Variants in RP1 observed in about 807,000 individuals in gnomAD.
RP1 encodes oxygen-regulated protein 1.
Under a neutral mutation model 14.8 loss-of-function variants are expected in RP1, and 16 were observed. The observed-to-expected ratio is 1.08, with a 90% CI of 0.73 to 1.65. RP1 has a LOEUF of 1.65. RP1 is among the 40% of genes most tolerant of loss of function. The pLI is 0.00. For synonymous variants in RP1, 876 were observed against 883.6 expected, an observed-to-expected ratio of 0.99 and a Z score of 0.15; for missense variants, 2,631 against 2,535.0, an observed-to-expected ratio of 1.04 and a Z score of -0.81.
intron 6 of RP1, among the ~76,000 whole-genome samples, chr8:54,660,744 C>G (rs1407681577): frequency 6.6e-6 from 1 of 151,852 alleles, no homozygotes; most frequent in Non-Finnish European, 1.5e-5. Context: ...TGCTGATGCC[C>G]TATGGGTACT....
At chr8:54,602,409 G>A (rs190638764) in intron 1 of RP1, among the ~76,000 whole-genome samples, 1,617 of 152,266 alleles carry the variant, frequency 0.011, 27 homozygotes, top group African/African-American at 0.034. Context: ...GTGTATATGT[G>A]CCACATTTTC....
chr8:54,658,550 CAA>C (rs755052184), intron 6 of RP1, among the ~76,000 whole-genome samples: 7 of 81,802 alleles, frequency 8.6e-5, no homozygotes, highest in Non-Finnish European at 4.3e-5. Flanking sequence ...GACTCCGTCT[CAA>C]AAAAAAAAAA....
chr8:54,628,111 T>G lies in RP1; in HGVS notation c.4229T>G (p.Leu1410Arg), dbSNP rs776511626. The change falls in exon 4 of 4, where the codon CTT (leucine) becomes CGT (arginine). Residue 1410 changes from leucine to arginine, a missense_variant. Physicochemically the swap from Leu to Arg is moderately radical, Grantham distance 102. Coordinates refer to ENST00000220676, the MANE Select transcript of RP1 (RefSeq NM_006269.2). Reference protein sequence around the residue: ...GLCLSEKEAELDKKHSSLDDF... With the variant: ...GLCLSEKEAERDKKHSSLDDF... Reference sequence around the variant, plus strand: ...TGCCTAAGTGAAAAAGAAGCAGAACTTGATAAGAAACATAGTTCTCTAGAT... The same window carrying G: ...TGCCTAAGTGAAAAAGAAGCAGAACGTGATAAGAAACATAGTTCTCTAGAT... 5.0e-6 allele frequency: 8 copies of G among 1,613,972 alleles called. No individual in the cohort carries two copies. In the Admixed American group the frequency reaches 1.3e-4, roughly 27 times the overall value.
Position 54,621,505 on chromosome 8 carries a change from T to G in RP1, c.539T>G (p.Phe180Cys), listed in dbSNP as rs557432569. The change falls in exon 2 of 4, where the codon TTC (phenylalanine) becomes TGC (cysteine). Residue 180 changes from phenylalanine (F) to cysteine (C), a missense_variant. Phe to Cys is a radical substitution (Grantham distance 205, BLOSUM62 -2). Coordinates refer to ENST00000220676, the MANE Select transcript of RP1 (RefSeq NM_006269.2). ...CTGAGCAGGAGGGTCACCCAGAGCT[T>G]CGAGGCATTTCTACAGCACCTGACA... ...VLLSRRVTQS[F>C]EAFLQHLTEV... The G allele has an allele frequency of 3.1e-6, 5 of 1,613,962 alleles. No individual in the cohort carries two copies. Among genetic ancestry groups the G allele is most frequent in the Non-Finnish European group, 3.4e-6 (4 of 1,180,032 alleles).
chr8:54,770,083 C>G (rs1344700516), downstream of RP1: 14 of 430,904 alleles, frequency 3.2e-5, no homozygotes, highest in East Asian at 4.8e-4. Flanking sequence ...TGTCATCAGA[C>G]AGATCTGTTA....
At chr8:54,694,147 C>G (rs965716972) in intron 12 of RP1, among the ~76,000 whole-genome samples, 6 of 152,160 alleles carry the variant, frequency 3.9e-5, no homozygotes, top group Non-Finnish European at 8.8e-5. Flanking sequence ...GTTGAACCAG[C>G]CTTGCATCCC....
At chr8:54,801,943 C>T (rs1480104922) in intron 24 of RP1, among the ~76,000 whole-genome samples, 1 of 152,198 alleles carries the variant, frequency 6.6e-6, no homozygotes, top group Non-Finnish European at 1.5e-5. Context: ...GTGACTCTGT[C>T]TTCCAACTCT....
At chr8:54,820,829 G>A (rs534511000) in intron 24 of RP1, among the ~76,000 whole-genome samples, 25 of 152,092 alleles carry the variant, frequency 1.6e-4, no homozygotes, top group African/African-American at 3.9e-4. Flanking sequence ...GGATCGCTGC[G>A]GGCCATCTTT....
chr8:54,757,528 A>G (rs890821731), intron 21 of RP1, among the ~76,000 whole-genome samples: 1 of 152,224 alleles, frequency 6.6e-6, no homozygotes, highest in Admixed American at 6.5e-5. Context: ...AGAAAAGCCA[A>G]TACAGGGATA....
chr8:54,839,284 G>C (rs1221321313), intron 25 of RP1, among the ~76,000 whole-genome samples: 1 of 152,030 alleles, frequency 6.6e-6, no homozygotes, highest in African/African-American at 2.4e-5. Flanking sequence ...CTTCTTTCCT[G>C]CCTAGAGCCC....
In RP1 at chr8:54,630,509, T is replaced by C. The variant is rs1806225057; in HGVS notation, c.*156T>C. 1 of 1,440,830 alleles carries C rather than the reference T, an allele frequency of 6.9e-7. No homozygotes were observed. Among genetic ancestry groups the C allele is most frequent in the Non-Finnish European group, 9.1e-7 (1 of 1,103,238 alleles). The allele number at this position is 1,440,830 out of a possible 1,614,324, so 89.3% of individuals were successfully genotyped here. A position where few individuals can be genotyped will look rare whatever the true frequency, so the allele number is the denominator to read the frequency against. On this transcript the variant is annotated 3_prime_UTR_variant, in exon 4 of 4. Coordinates refer to ENST00000220676, the MANE Select transcript of RP1 (RefSeq NM_006269.2). The stretch of plus-strand genomic sequence containing the variant: ...TACCCTTGGATAACCAGTTTGACTT[T>C]CATAATGTCTCTGTTTTTTGTTTTT...
At chr8:54,777,782 A>G (rs925844108) in intron 23 of RP1, among the ~76,000 whole-genome samples, 3 of 152,182 alleles carry the variant, frequency 2.0e-5, no homozygotes, top group African/African-American at 7.2e-5. Context: ...TCTTTGCTAA[A>G]TCTCATTTAA....
chr8:54,837,039 T>C (rs570678076), intron 24 of RP1, among the ~76,000 whole-genome samples: 142 of 152,298 alleles, frequency 9.3e-4, no homozygotes, highest in African/African-American at 3.1e-3. Context: ...CTAGTTTAAA[T>C]CTAGGTGTAC....
intron 25 of RP1, among the ~76,000 whole-genome samples, chr8:54,850,196 C>T (rs1812027847): frequency 1.3e-5 from 2 of 152,122 alleles, no homozygotes; most frequent in Non-Finnish European, 2.9e-5. Context: ...GCAGTAATAG[C>T]CACTTCTAAA....
intron 24 of RP1, among the ~76,000 whole-genome samples, chr8:54,788,228 T>C (rs1401352851): frequency 6.6e-6 from 1 of 152,112 alleles, no homozygotes; most frequent in Non-Finnish European, 1.5e-5. Context: ...GAGGAAGGAA[T>C]ATAGGAAAAC....
At chr8:54,620,396 G>A (rs1805826158) in intron 1 of RP1, among the ~76,000 whole-genome samples, 1 of 152,224 alleles carries the variant, frequency 6.6e-6, no homozygotes. Flanking sequence ...TAGCCTAGGA[G>A]GAATAGGTTA....
intron 1 of RP1, among the ~76,000 whole-genome samples, chr8:54,581,900 T>A (rs1263519031): frequency 3.9e-5 from 6 of 152,246 alleles, no homozygotes; most frequent in Non-Finnish European, 5.9e-5. Context: ...TTCTGGACAT[T>A]AGCCCTTTGT....
intron 24 of RP1, among the ~76,000 whole-genome samples, chr8:54,835,354 C>G (rs1190732994): frequency 1.3e-5 from 2 of 152,150 alleles, no homozygotes; most frequent in African/African-American, 2.4e-5. Context: ...TTGGCTAACC[C>G]AGGCATGCAC....
At position 54,859,341 on chromosome 8, in the gene RP1, G is replaced by GTGGTGT. The variant is rs913090671; in HGVS notation, c.4069+2236_4069+2241dup. On this transcript the variant is annotated intron_variant, in intron 27 of 28. Transcript: ENST00000637698. ...TCACTATAGGTGGTGTCACTGTAGGGTGGTGTCCCTGTGGAGTGTGTCACT... is the reference window on the plus strand; with the variant it reads ...TCACTATAGGTGGTGTCACTGTAGGGTGGTGTTGGTGTCCCTGTGGAGTGTGTCACT... Among the ~76,000 whole-genome samples, 7 of 59,870 alleles carry GTGGTGT rather than the reference G, an allele frequency of 1.2e-4. No individual in the cohort carries two copies. The South Asian group carries it at 3.2e-3, about 28-fold the overall frequency. The allele number at this position is 59,870 out of a possible 152,430, so 39.3% of individuals were successfully genotyped here.
Sources: allele counts gnomAD v4.1 joint callset (sites outside exome capture counted in the v4.1 genomes callset), GRCh38; gene constraint gnomAD v4.1.1; transcripts MANE v1.5; gene names NCBI Gene and HGNC (gene_info 2026-07-23, HGNC 2026-07-21).